The following DNAH9 variants were observed in gnomAD, a reference collection of about 807,000 sequenced individuals.
DNAH9 encodes DNAH9 variant protein.
A neutral mutation model predicts 471.6 loss-of-function variants in DNAH9; 345 were observed. The observed-to-expected ratio is 0.73, with a 90% CI of 0.67 to 0.80. The LOEUF is 0.80. Ranked by LOEUF, DNAH9 falls within the 30% of genes least tolerant of loss-of-function variation. DNAH9 has a pLI of 0.00. For synonymous variants in DNAH9, 2,093 were observed against 2,123.6 expected (o/e 0.99, Z 0.40); for missense variants, 5,407 against 5,609.2 (o/e 0.96, Z 1.15).
At chr17:11,662,432 CAG>C (rs1377885790) in intron 14 of DNAH9, among the ~76,000 whole-genome samples, 1 of 151,966 alleles carries the variant, frequency 6.6e-6, no homozygotes, top group Admixed American at 6.5e-5. Flanking sequence ...TTTAATGAGA[CAG>C]AAGTTTAATT....
At chr17:11,903,500 C>T (rs1973484226) in intron 60 of DNAH9, among the ~76,000 whole-genome samples, 1 of 152,100 alleles carries the variant, frequency 6.6e-6, no homozygotes, top group Non-Finnish European at 1.5e-5. Context: ...TGGGAAAATC[C>T]TATGGTATGT....
At chr17:11,765,937 G>A (rs1967918212) in intron 36 of DNAH9, among the ~76,000 whole-genome samples, 1 of 152,186 alleles carries the variant, frequency 6.6e-6, no homozygotes. Flanking sequence ...GTATCAGGAT[G>A]AAAATATGTG....
In DNAH9 at chr17:11,883,718, A is replaced by T; in HGVS notation, c.10939A>T (p.Thr3647Ser). Residue 3647 changes from threonine to serine, a missense_variant, in exon 56 of 69, where the codon ACC (threonine) becomes TCC (serine). Physicochemically the swap from Thr to Ser is moderately conservative, Grantham distance 58. This residue lies in a region of DNAH9 where 4,636 missense variants were observed against 4,900.3 expected (regional missense o/e 0.95). Coordinates refer to ENST00000262442, the MANE Select transcript of DNAH9 (RefSeq NM_001372.4). Reference protein sequence around the residue: ...ETVLVENLEITKQTAAEVEKK... With the variant: ...ETVLVENLEISKQTAAEVEKK... ...AGTGCTGGTGGAAAACCTAGAGATC[A>T]CCAAGCAGACTGCTGCCGAAGTTGA... The T allele has an allele frequency of 6.2e-7, 1 of 1,614,130 alleles. No homozygotes were observed. Among genetic ancestry groups the T allele is most frequent in the Non-Finnish European group, 8.5e-7 (1 of 1,179,988 alleles).
rs1172471131 is a variant in DNAH9 at position 11,705,093 on chromosome 17, C to T, written c.5460C>T (p.His1820=). 6.2e-7 allele frequency: 1 copy of T among 1,614,166 alleles called. No homozygotes were observed. The highest frequency in any genetic ancestry group is 2.2e-5 in the East Asian group (1 of 44,886). ...LRHRWDDEVK[H]CFANICDAQF... ...ATCGTTGGGATGACGAGGTCAAACA[C>T]TGCTTTGCCAACATCTGTGATGCCC... Residue 1820 remains histidine (H), a synonymous_variant, in exon 26 of 69, where the codon CAC becomes CAT. Coordinates refer to ENST00000262442, the MANE Select transcript of DNAH9 (RefSeq NM_001372.4).
chr17:11,950,814 C>T (rs1209906903), intron 67 of DNAH9, among the ~76,000 whole-genome samples: 1 of 152,156 alleles, frequency 6.6e-6, no homozygotes, highest in Non-Finnish European at 1.5e-5. Context: ...AGGGAAATGA[C>T]CAGAAACAAA....
intron 14 of DNAH9, among the ~76,000 whole-genome samples, chr17:11,656,686 C>T (rs2150709743): frequency 6.6e-6 from 1 of 152,264 alleles, no homozygotes; most frequent in Non-Finnish European, 1.5e-5. Flanking sequence ...ACTCAGGTAA[C>T]TACCACAATA....
In DNAH9 at chr17:11,902,746, A is replaced by G; in HGVS notation, c.11434A>G (p.Asn3812Asp). The G allele has an allele frequency of 6.2e-7, 1 of 1,612,356 alleles. No individual in the cohort carries two copies. The highest frequency in any genetic ancestry group is 8.5e-7 in the Non-Finnish European group (1 of 1,179,456). Residue 3812 changes from asparagine (N) to aspartate (D), a missense_variant, in exon 60 of 69, where the codon AAT becomes GAT. Coordinates refer to ENST00000262442, the MANE Select transcript of DNAH9 (RefSeq NM_001372.4). ...ACTTTCATCAATGGAAGAATTCTCT[A>G]ATCTGGATCGGGACATAGAGGGATC... Reference protein sequence around the residue: ...KVLSSMEEFSNLDRDIEGSAK... With the variant: ...KVLSSMEEFSDLDRDIEGSAK...
intron 1 of DNAH9, among the ~76,000 whole-genome samples, chr17:11,599,830 A>G (rs932208139): frequency 1.2e-4 from 19 of 152,238 alleles, no homozygotes; most frequent in African/African-American, 4.3e-4. Context: ...GATAGGTGCT[A>G]TAGGGAATAC....
chr17:11,853,967 T>A (rs1423087161), intron 49 of DNAH9, 36 bp from the exon 50 acceptor site: 1 of 1,596,220 alleles, frequency 6.3e-7, no homozygotes, highest in Non-Finnish European at 8.5e-7. Context: ...GAAAGCCCAT[T>A]CATGTTCCCC....
chr17:11,713,003 G>A (rs1045023662), intron 26 of DNAH9, among the ~76,000 whole-genome samples: 19 of 152,124 alleles, frequency 1.2e-4, no homozygotes, highest in African/African-American at 4.6e-4. Flanking sequence ...TCAACACCCA[G>A]GTATTAAGTC....
intron 1 of DNAH9, among the ~76,000 whole-genome samples, chr17:11,606,877 G>T (rs564209363): frequency 6.6e-6 from 1 of 152,082 alleles, no homozygotes. Context: ...TGGTTGTGAA[G>T]GTGACCAAGA....
intron 20 of DNAH9, among the ~76,000 whole-genome samples, chr17:11,692,127 G>A (rs1158368460): frequency 6.6e-6 from 1 of 152,082 alleles, no homozygotes; most frequent in Non-Finnish European, 1.5e-5. Flanking sequence ...GGTCTTCTTG[G>A]GCAAGGGGCA....
At position 11,883,667 on chromosome 17, in the gene DNAH9, G is replaced by T. The variant is rs62639705; in HGVS notation, c.10888G>T (p.Ala3630Ser). Residue 3630 changes from alanine (A) to serine (S), a missense_variant, in exon 56 of 69, where the codon GCC becomes TCC. Transcript: ENST00000262442. Reference sequence around the variant, plus strand: ...CAGTCTTCTCTCTCGCCTCTCCTCCGCCTCTGGGAACTTCCTGGGAGAAAC... The same window carrying T: ...CAGTCTTCTCTCTCGCCTCTCCTCCTCCTCTGGGAACTTCCTGGGAGAAAC... ...EDSLLSRLSS[A>S]SGNFLGETVL... The T allele has an allele frequency of 4.0e-4, 644 of 1,614,066 alleles. 2 individuals carry two copies. In the African/African-American group the frequency reaches 7.8e-3, roughly 20 times the overall value.
In DNAH9 at chr17:11,651,227, T is replaced by A; in HGVS notation, c.2256T>A (p.Thr752=). 1 of 1,614,072 alleles carries A rather than the reference T, an allele frequency of 6.2e-7. No individual in the cohort carries two copies. Reference sequence around the variant, plus strand: ...ATTGGTACAACAAGGTTATGAAAACTCTGCTGGAGGTGGAATTTCCATTAG... The same window carrying A: ...ATTGGTACAACAAGGTTATGAAAACACTGCTGGAGGTGGAATTTCCATTAG... ...MANWYNKVMK[T]LLEVEFPLVE... is the part of the protein sequence containing the mutation. The change falls in exon 13 of 69, where the codon ACT becomes ACA. Residue 752 remains threonine (T), a synonymous_variant. Transcript: ENST00000262442.
At chr17:11,899,667 A>G (rs889497728) in intron 59 of DNAH9, among the ~76,000 whole-genome samples, 1 of 152,166 alleles carries the variant, frequency 6.6e-6, no homozygotes, top group African/African-American at 2.4e-5. Context: ...TGGAGACGCC[A>G]GAGGGGGTTG....
chr17:11,641,750 C>T (rs1034113307), intron 10 of DNAH9, among the ~76,000 whole-genome samples: 29 of 151,854 alleles, frequency 1.9e-4, no homozygotes, highest in African/African-American at 7.0e-4. Flanking sequence ...TGTGGACTGC[C>T]ACAGCTGTCA....
At chr17:11,622,625 T>A (rs2072891839) in intron 6 of DNAH9, among the ~76,000 whole-genome samples, 1 of 152,180 alleles carries the variant, frequency 6.6e-6, no homozygotes, top group African/African-American at 2.4e-5. Context: ...CCCCAGGCCC[T>A]GTGCACACAT....
intron 6 of DNAH9, among the ~76,000 whole-genome samples, chr17:11,624,998 A>G (rs929115091): frequency 5.9e-5 from 9 of 152,120 alleles, no homozygotes; most frequent in Non-Finnish European, 8.8e-5. Context: ...TGAGCCATCA[A>G]AGTTCAAAGA....
chr17:11,610,220 G>A lies in DNAH9; in HGVS notation c.615-176G>A, dbSNP rs192968648. On this transcript the variant is annotated intron_variant, in intron 2 of 68. Transcript: ENST00000262442. ...TCTGGAGAGAGGATCTATAATTTTC[G>A]TTGACTAGTCAACAGAGACTGTTAT... 3.0e-3 allele frequency among the ~76,000 whole-genome samples: 458 copies of A among 151,956 alleles called. 2 individuals are homozygous for A. The highest frequency in any genetic ancestry group is 0.01 in the African/African-American group (419 of 41,414).
Sources: gnomAD v4.1 joint callset for allele counts (sites outside exome capture counted in the v4.1 genomes callset) on GRCh38, gnomAD v4.1.1 for gene constraint, gnomAD v4.1.1 regional missense constraint, MANE v1.5 for transcripts, NCBI Gene and HGNC (gene_info 2026-07-23, HGNC 2026-07-21) for gene names.